Variants in PDE6D observed in about 807,000 individuals in gnomAD.
PDE6D encodes the protein retinal rod rhodopsin-sensitive cGMP 3',5'-cyclic phosphodiesterase subunit delta.
In PDE6D, 10 loss-of-function variants were observed where a neutral mutation model predicts 21.9. The observed-to-expected ratio is 0.46, with a 90% CI of 0.28 to 0.78. The LOEUF (loss-of-function observed/expected upper bound fraction) is 0.78, where lower values mean the gene tolerates loss of function less well. Among genes scored for constraint, PDE6D ranks in the 30% least tolerant of loss-of-function variants. The pLI is 0.12. For missense variants in PDE6D, 139 were observed against 184.8 expected (o/e 0.75, Z 1.44); for synonymous variants, 59 against 63.5 (o/e 0.93, Z 0.34).
Position 231,760,377 on chromosome 2 carries a change from C to G in PDE6D, c.50+20688G>C, listed in dbSNP as rs182126043. The stretch of plus-strand genomic sequence containing the variant: ...GTATGCTAATAATTTAGATATTATT[C>G]ATGTATAAATTAATCCACATAACCC... On this transcript the variant is annotated intron_variant, in intron 1 of 4. Coordinates refer to ENST00000287600, the MANE Select transcript of PDE6D (RefSeq NM_002601.4). 3.3e-5 allele frequency among the ~76,000 whole-genome samples: 5 copies of G among 152,160 alleles called. No individual in the cohort carries two copies. The East Asian group carries it at 5.8e-4, about 18-fold the overall frequency.
intron 1 of PDE6D, among the ~76,000 whole-genome samples, chr2:231,751,273 C>T (rs2048838197): frequency 6.6e-6 from 1 of 152,156 alleles, no homozygotes; most frequent in African/African-American, 2.4e-5. Flanking sequence ...CCTCCCACTT[C>T]AGCCTCCTGA....
intron 1 of PDE6D, among the ~76,000 whole-genome samples, chr2:231,740,560 G>A (rs2048739382): frequency 6.6e-6 from 1 of 151,168 alleles, no homozygotes; most frequent in African/African-American, 2.4e-5. Flanking sequence ...GCATGCCTGT[G>A]GTCCCAGCTA....
intron 1 of PDE6D, among the ~76,000 whole-genome samples, chr2:231,745,834 A>C (rs2048789793): frequency 1.3e-5 from 2 of 152,172 alleles, no homozygotes; most frequent in Non-Finnish European, 2.9e-5. Flanking sequence ...ATTTAGGTGC[A>C]GTCTGGTGCT....
chr2:231,772,019 C>T (rs1158712530), intron 1 of PDE6D, among the ~76,000 whole-genome samples: 4 of 152,150 alleles, frequency 2.6e-5, no homozygotes, highest in Non-Finnish European at 5.9e-5. Flanking sequence ...TCAGGTAATT[C>T]TACTAATTGT....
chr2:231,770,083 C>G (rs780592831), intron 1 of PDE6D, among the ~76,000 whole-genome samples: 1 of 152,090 alleles, frequency 6.6e-6, no homozygotes, highest in African/African-American at 2.4e-5. Context: ...TCCCTATTAA[C>G]GAGATTATCT....
At chr2:231,742,908 G>A (rs2048761581) in intron 1 of PDE6D, among the ~76,000 whole-genome samples, 1 of 152,190 alleles carries the variant, frequency 6.6e-6, no homozygotes, top group Non-Finnish European at 1.5e-5. Flanking sequence ...CAGGGTGGGG[G>A]CAGCAGGGGC....
chr2:231,741,904 G>A (rs911492470), intron 1 of PDE6D, among the ~76,000 whole-genome samples: 1 of 152,138 alleles, frequency 6.6e-6, no homozygotes, highest in Non-Finnish European at 1.5e-5. Flanking sequence ...AGTCAGGCAC[G>A]AAATGTTGAG....
chr2:231,755,778 G>A (rs989395134), intron 1 of PDE6D, among the ~76,000 whole-genome samples: 6 of 152,104 alleles, frequency 3.9e-5, no homozygotes, highest in African/African-American at 1.4e-4. Flanking sequence ...AAATTAGCTG[G>A]GTGTGGTGGC....
rs1475868845 is a variant in PDE6D at position 231,739,332 on chromosome 2, A to T, written c.51-144T>A. 1.3e-6 allele frequency: 1 copy of T among 750,806 alleles called. No homozygotes were observed. The highest frequency in any genetic ancestry group is 2.5e-6 in the Non-Finnish European group (1 of 407,880). The allele number at this position is 750,806 out of a possible 1,614,324, so 46.5% of individuals were successfully genotyped here. ...GCTCATTGCCATGGAAGCACATAAG[A>T]ATGTGAGGAGAGTCAAAAAGACATC... On this transcript the variant is annotated intron_variant, in intron 1 of 4. Transcript: ENST00000287600. This position sits in a 1 kb window ranked among gnomAD's most constrained non-coding sequence, Gnocchi z 4.2.
At chr2:231,736,420 TCTC>T (rs1028332095) in intron 4 of PDE6D, among the ~76,000 whole-genome samples, 3 of 152,130 alleles carry the variant, frequency 2.0e-5, no homozygotes, top group Non-Finnish European at 4.4e-5. Context: ...TTCAAGCAAT[TCTC>T]CTATCTCAGC....
At chr2:231,778,057 G>A (rs2106290442) in intron 1 of PDE6D, among the ~76,000 whole-genome samples, 1 of 152,316 alleles carries the variant, frequency 6.6e-6, no homozygotes, top group East Asian at 1.9e-4. Flanking sequence ...CATGAGGTCA[G>A]GTGTTTGAGA....
intron 1 of PDE6D, among the ~76,000 whole-genome samples, chr2:231,744,162 T>C (rs1299878504): frequency 6.6e-6 from 1 of 152,170 alleles, no homozygotes; most frequent in Non-Finnish European, 1.5e-5. Context: ...AAAGCTGCAG[T>C]TGGAGCAGAC....
At chr2:231,737,983 C>T in intron 3 of PDE6D, 30 bp downstream of exon 3, 1 of 1,603,426 alleles carries the variant, frequency 6.2e-7, no homozygotes, top group Non-Finnish European at 8.5e-7. Context: ...GCCCTAAGCC[C>T]TGATTTCAGG....
intron 1 of PDE6D, among the ~76,000 whole-genome samples, chr2:231,761,981 T>G (rs899989952): frequency 6.6e-6 from 1 of 152,188 alleles, no homozygotes; most frequent in African/African-American, 2.4e-5. Flanking sequence ...CTAGAAGAGC[T>G]GAGGGAACTG....
chr2:231,752,334 T>C (rs1186688031), intron 1 of PDE6D, among the ~76,000 whole-genome samples: 1 of 152,242 alleles, frequency 6.6e-6, no homozygotes, highest in Non-Finnish European at 1.5e-5. Context: ...TCATTTAACC[T>C]GCCTGAGATT....
intron 1 of PDE6D, among the ~76,000 whole-genome samples, chr2:231,747,759 C>T (rs559051470): frequency 6.6e-6 from 1 of 152,318 alleles, no homozygotes; most frequent in South Asian, 2.1e-4. Flanking sequence ...TACACTAATA[C>T]CTCTTCTCAC....
chr2:231,740,187 G>A (rs1367348980), intron 1 of PDE6D, among the ~76,000 whole-genome samples: 1 of 152,080 alleles, frequency 6.6e-6, no homozygotes, highest in Non-Finnish European at 1.5e-5. Context: ...GTCAGAAAAT[G>A]CCTTCTAACA....
intron 4 of PDE6D, among the ~76,000 whole-genome samples, chr2:231,733,432 T>A (rs2048668219): frequency 1.3e-5 from 2 of 152,170 alleles, no homozygotes; most frequent in South Asian, 4.1e-4. Flanking sequence ...CCTACAGTAC[T>A]CACAATAGTC....
intron 1 of PDE6D, among the ~76,000 whole-genome samples, chr2:231,746,270 T>G (rs999813877): frequency 1.7e-4 from 26 of 152,128 alleles, no homozygotes; most frequent in Admixed American, 7.2e-4. Context: ...GCATCCTGAG[T>G]AGCTGGGATT....
Sources: allele counts gnomAD v4.1 joint callset (sites outside exome capture counted in the v4.1 genomes callset), GRCh38; gene constraint gnomAD v4.1.1; non-coding constraint Gnocchi (gnomAD v3.1); transcripts MANE v1.5; gene names NCBI Gene and HGNC (gene_info 2026-07-23, HGNC 2026-07-21).